The following FBXL17 variants were observed in gnomAD, a reference collection of about 807,000 sequenced individuals.
FBXL17 encodes the protein F-box/LRR-repeat protein 17.
A neutral mutation model predicts 66.2 loss-of-function variants in FBXL17; 22 were observed. That is an observed-to-expected ratio of 0.33 (90% CI 0.24 to 0.47). The LOEUF (loss-of-function observed/expected upper bound fraction) is 0.47, where lower values mean the gene tolerates loss of function less well. Among genes scored for constraint, FBXL17 ranks in the 20% least tolerant of loss-of-function variants. FBXL17 has a pLI of 1.00. For missense variants in FBXL17, 878 were observed against 948.2 expected (o/e 0.93, Z 0.97); for synonymous variants, 474 against 400.5 (o/e 1.18, Z -2.19).
At chr5:107,980,509 T>C (rs538130598) in intron 7 of FBXL17, among the ~76,000 whole-genome samples, 2 of 149,902 alleles carry the variant, frequency 1.3e-5, no homozygotes, top group African/African-American at 4.9e-5. Flanking sequence ...CTAATTTTTG[T>C]ATTTTTTGTA....
chr5:108,380,218 G>T (rs1209589869), intron 1 of FBXL17, among the ~76,000 whole-genome samples: 1 of 152,076 alleles, frequency 6.6e-6, no homozygotes, highest in Non-Finnish European at 1.5e-5. Context: ...TAGATAAATG[G>T]GATATTATAT....
At chr5:108,060,978 G>A (rs1228741996) in intron 6 of FBXL17, among the ~76,000 whole-genome samples, 9 of 151,892 alleles carry the variant, frequency 5.9e-5, no homozygotes, top group African/African-American at 1.9e-4. Context: ...AGATGATCTG[G>A]GTTTTTTAAT....
intron 3 of FBXL17, among the ~76,000 whole-genome samples, chr5:108,351,279 A>T (rs1747638667): frequency 1.3e-5 from 2 of 152,192 alleles, no homozygotes. Context: ...AGACACAGGG[A>T]AGGAAGTATA....
intron 4 of FBXL17, among the ~76,000 whole-genome samples, chr5:108,323,514 C>T (rs1759712409): frequency 6.6e-6 from 1 of 151,894 alleles, no homozygotes; most frequent in African/African-American, 2.4e-5. Flanking sequence ...GTTAAAATGT[C>T]TATACTACTC....
chr5:108,214,715 T>C (rs983180713), intron 5 of FBXL17, among the ~76,000 whole-genome samples: 2 of 152,142 alleles, frequency 1.3e-5, no homozygotes, highest in Non-Finnish European at 2.9e-5. Context: ...ATTTTAGAAA[T>C]CTTTGTCTAA....
At chr5:107,935,411 A>ATGTGTGTG (rs55942635) in intron 7 of FBXL17, among the ~76,000 whole-genome samples, 17 of 150,044 alleles carry the variant, frequency 1.1e-4, no homozygotes, top group South Asian at 2.1e-4. Context: ...ATATATATAT[A>ATGTGTGTG]TGTGTGTGTG....
intron 3 of FBXL17, among the ~76,000 whole-genome samples, chr5:108,351,794 G>A (rs533016448): frequency 3.0e-4 from 45 of 152,304 alleles, no homozygotes; most frequent in Admixed American, 1.1e-3. Context: ...CTAGAAAAAC[G>A]GAGAAATAAA....
chr5:107,890,817 G>A (rs550597968), intron 7 of FBXL17, among the ~76,000 whole-genome samples: 95 of 152,264 alleles, frequency 6.2e-4, no homozygotes, highest in African/African-American at 2.3e-3. Context: ...GTGAAGCAAA[G>A]GAAAACAGAG....
chr5:108,365,013 A>G lies in FBXL17; in HGVS notation c.1117-18T>C, dbSNP rs752976840. On this transcript the variant is annotated intron_variant, in intron 2 of 8. Coordinates refer to ENST00000542267, the MANE Select transcript of FBXL17 (RefSeq NM_001163315.3). ...TCAGTGACCTGTAAGAGAAAAAGCAATAAATTTAAACTTTTGCTAAAAATA... is the reference window on the plus strand; with the variant it reads ...TCAGTGACCTGTAAGAGAAAAAGCAGTAAATTTAAACTTTTGCTAAAAATA... The G allele has an allele frequency of 6.4e-7, 1 of 1,570,720 alleles. No individual in the cohort carries two copies. Among genetic ancestry groups the G allele is most frequent in the Non-Finnish European group, 8.6e-7 (1 of 1,157,532 alleles).
At chr5:108,165,734 T>C (rs1202612939) in intron 6 of FBXL17, among the ~76,000 whole-genome samples, 2 of 152,316 alleles carry the variant, frequency 1.3e-5, no homozygotes, top group South Asian at 2.1e-4. Flanking sequence ...TTCTTTACAA[T>C]TCTGAGTGTC....
intron 7 of FBXL17, among the ~76,000 whole-genome samples, chr5:107,893,014 AATAT>A (rs1749246736): frequency 6.6e-6 from 1 of 152,150 alleles, no homozygotes; most frequent in Non-Finnish European, 1.5e-5. Flanking sequence ...TTTGCTGTCT[AATAT>A]ACCTGTCTAT....
At chr5:108,049,777 A>AAAG (rs1290740776) in intron 6 of FBXL17, among the ~76,000 whole-genome samples, 1 of 152,232 alleles carries the variant, frequency 6.6e-6, no homozygotes, top group Non-Finnish European at 1.5e-5. Flanking sequence ...GCTCCAATTA[A>AAAG]AAGACACAGA....
chr5:108,126,664 C>CATATATATATATATATATATATACAT (rs869283993), intron 6 of FBXL17, among the ~76,000 whole-genome samples: 9 of 107,952 alleles, frequency 8.3e-5, no homozygotes, highest in African/African-American at 1.6e-4. Flanking sequence ...TATATATATA[C>CATATATATATATATATATATATACAT]ATATATATAT....
chr5:108,317,499 C>T (rs1453809472), intron 4 of FBXL17, among the ~76,000 whole-genome samples: 5 of 150,452 alleles, frequency 3.3e-5, no homozygotes, highest in Non-Finnish European at 7.4e-5. Flanking sequence ...TACTATACAT[C>T]GACTGAAAAA....
At chr5:108,114,966 CA>C (rs1285867210) in intron 6 of FBXL17, among the ~76,000 whole-genome samples, 1 of 151,978 alleles carries the variant, frequency 6.6e-6, no homozygotes, top group African/African-American at 2.4e-5. Flanking sequence ...AAATGTAGTC[CA>C]AAAAATGTAG....
intron 4 of FBXL17, among the ~76,000 whole-genome samples, chr5:108,242,349 TTTGTTGTTGTTGTTG>T (rs70996988): frequency 0.028 from 4,095 of 146,892 alleles, 179 homozygotes; most frequent in African/African-American, 0.094. Context: ...GCCTGGCTAG[TTTGTTGTTGTTGTTG>T]TTGTTGTTGT....
At chr5:107,884,428 A>G (rs1415964605) in intron 7 of FBXL17, among the ~76,000 whole-genome samples, 1 of 152,196 alleles carries the variant, frequency 6.6e-6, no homozygotes, top group African/African-American at 2.4e-5. Flanking sequence ...CTCCAAGGCC[A>G]GTGCTTATTC....
chr5:107,968,528 T>C (rs1404039885), intron 7 of FBXL17, among the ~76,000 whole-genome samples: 1 of 152,148 alleles, frequency 6.6e-6, no homozygotes. Context: ...AAACATGGGA[T>C]GAGAAACACT....
chr5:107,901,289 T>C (rs1354711702), intron 7 of FBXL17, among the ~76,000 whole-genome samples: 2 of 152,198 alleles, frequency 1.3e-5, no homozygotes, highest in Non-Finnish European at 2.9e-5. Flanking sequence ...GGTCAAAAAT[T>C]GTTAAATACG....
Sources: allele counts gnomAD v4.1 joint callset (sites outside exome capture counted in the v4.1 genomes callset), GRCh38; gene constraint gnomAD v4.1.1; transcripts MANE v1.5; gene names NCBI Gene and HGNC (gene_info 2026-07-23, HGNC 2026-07-21).